CHMP3: variants seen among roughly 807,000 people sequenced by gnomAD.
CHMP3 encodes the protein charged multivesicular body protein 3.
CHMP3 carries 8 observed loss-of-function variants against 27.4 expected under a neutral mutation model. That is an observed-to-expected ratio of 0.29 (90% CI 0.17 to 0.53). The LOEUF (loss-of-function observed/expected upper bound fraction) is 0.53, where lower values mean the gene tolerates loss of function less well. Among genes scored for constraint, CHMP3 ranks in the 20% least tolerant of loss-of-function variants. The pLI is 0.96. For synonymous variants in CHMP3, 86 were observed against 85.5 expected (o/e 1.01, Z -0.03); for missense variants, 208 against 271.5 (o/e 0.77, Z 1.64).
chr2:86,561,130 G>A (rs1677342681), intron 1 of CHMP3, among the ~76,000 whole-genome samples: 2 of 152,126 alleles, frequency 1.3e-5, no homozygotes, highest in Admixed American at 6.5e-5. Context: ...TAAGTTCTTT[G>A]GCTTCTTATT....
intron 1 of CHMP3, among the ~76,000 whole-genome samples, chr2:86,556,026 G>A (rs928274269): frequency 2.6e-5 from 4 of 152,052 alleles, no homozygotes; most frequent in Admixed American, 6.5e-5. Flanking sequence ...ATTTAAGAGC[G>A]AAATTAAAGG....
At chr2:86,552,685 T>C (rs1205533114) in intron 1 of CHMP3, among the ~76,000 whole-genome samples, 1 of 152,218 alleles carries the variant, frequency 6.6e-6, no homozygotes, top group African/African-American at 2.4e-5. Context: ...AGACATTATA[T>C]GCCTCCTGAT....
At chr2:86,539,551 T>C (rs999593056) in intron 2 of CHMP3, among the ~76,000 whole-genome samples, 12 of 152,058 alleles carry the variant, frequency 7.9e-5, no homozygotes, top group Non-Finnish European at 1.3e-4. Context: ...AAAAATGAGC[T>C]ATGGATGTGA....
At chr2:86,509,906 T>A (rs1043894320) in intron 4 of CHMP3, among the ~76,000 whole-genome samples, 1 of 152,224 alleles carries the variant, frequency 6.6e-6, no homozygotes. Context: ...ACCCTGATCC[T>A]GGGGGTGGCA....
intron 2 of CHMP3, among the ~76,000 whole-genome samples, chr2:86,535,688 T>A (rs928738766): frequency 1.3e-5 from 2 of 152,162 alleles, no homozygotes; most frequent in African/African-American, 2.4e-5. Context: ...GTATTTTTAG[T>A]AGAAACTGGG....
At chr2:86,517,434 C>T (rs1251050969) in intron 3 of CHMP3, among the ~76,000 whole-genome samples, 9 of 151,860 alleles carry the variant, frequency 5.9e-5, no homozygotes, top group South Asian at 4.2e-4. Context: ...GGTGTGGTGG[C>T]GGGCACCTGT....
At chr2:86,550,220 G>A (rs1676847450) in intron 1 of CHMP3, among the ~76,000 whole-genome samples, 1 of 152,204 alleles carries the variant, frequency 6.6e-6, no homozygotes, top group Admixed American at 6.5e-5. Context: ...CTCCAAAAAT[G>A]CAAAAACCAG....
chr2:86,537,233 T>C (rs1676183100), intron 2 of CHMP3, among the ~76,000 whole-genome samples: 1 of 152,190 alleles, frequency 6.6e-6, no homozygotes, highest in Admixed American at 6.5e-5. Context: ...TGCTGATGCT[T>C]TATTTTACCT....
chr2:86,559,931 T>C (rs1677280217), intron 1 of CHMP3, among the ~76,000 whole-genome samples: 1 of 152,178 alleles, frequency 6.6e-6, no homozygotes, highest in African/African-American at 2.4e-5. Context: ...TAGTCGGTTC[T>C]TACATTGCTA....
chr2:86,550,442 A>AAGGGAG (rs1676861476), intron 1 of CHMP3, among the ~76,000 whole-genome samples: 1 of 144,484 alleles, frequency 6.9e-6, no homozygotes, highest in African/African-American at 2.8e-5. Context: ...GAGAGGGAGA[A>AAGGGAG]AGGGAGAGGG....
At chr2:86,522,119 T>C (rs545600089) in intron 3 of CHMP3, among the ~76,000 whole-genome samples, 2 of 152,290 alleles carry the variant, frequency 1.3e-5, no homozygotes, top group Non-Finnish European at 2.9e-5. Context: ...AATGTATTAA[T>C]AGGTGACAAG....
intron 1 of CHMP3, among the ~76,000 whole-genome samples, chr2:86,557,701 A>T (rs772907735): frequency 1.3e-5 from 2 of 152,038 alleles, no homozygotes; most frequent in African/African-American, 2.4e-5. Flanking sequence ...TCCTGATCCT[A>T]TATCTACCGT....
chr2:86,549,394 C>T (rs1253839244), intron 1 of CHMP3, among the ~76,000 whole-genome samples: 1 of 147,856 alleles, frequency 6.8e-6, no homozygotes, highest in African/African-American at 2.5e-5. Flanking sequence ...GGCAGAGGCA[C>T]TCCTCCCTTC....
In CHMP3 at chr2:86,558,478, C is replaced by T. The variant is rs191721611; in HGVS notation, c.45+4826G>A. ...AAACCTTATTCTGATACTCACTCAT[C>T]ATTTAACAAATATTTACTTAGCACC... On this transcript the variant is annotated intron_variant, in intron 1 of 5. Transcript: ENST00000263856. Among the ~76,000 whole-genome samples, 178 of 152,314 alleles carry T rather than the reference C, an allele frequency of 1.2e-3. 1 individual carries two copies. Among genetic ancestry groups the T allele is most frequent in the African/African-American group, 4.1e-3 (171 of 41,568 alleles).
intron 2 of CHMP3, among the ~76,000 whole-genome samples, chr2:86,535,725 C>T (rs774483265): frequency 2.0e-5 from 3 of 152,102 alleles, no homozygotes; most frequent in South Asian, 4.1e-4. Flanking sequence ...AGTCTGGTCT[C>T]GAACTCCTGG....
At chr2:86,531,471 A>G (rs1276480371) in intron 2 of CHMP3, among the ~76,000 whole-genome samples, 3 of 152,150 alleles carry the variant, frequency 2.0e-5, no homozygotes, top group African/African-American at 7.2e-5. Context: ...TCCTGGCCTC[A>G]ACTGGTCTTC....
chr2:86,550,812 G>A (rs563977948), intron 1 of CHMP3, among the ~76,000 whole-genome samples: 4 of 152,230 alleles, frequency 2.6e-5, no homozygotes, highest in African/African-American at 9.6e-5. Flanking sequence ...TAAATACAGT[G>A]TAACAACTAT....
intron 1 of CHMP3, among the ~76,000 whole-genome samples, chr2:86,560,357 CACCATGGA>C (rs1677301486): frequency 6.6e-6 from 1 of 152,050 alleles, no homozygotes; most frequent in South Asian, 2.1e-4. Flanking sequence ...GAAAATGTGG[CACCATGGA>C]ATACTATGAA....
intron 1 of CHMP3, among the ~76,000 whole-genome samples, chr2:86,547,017 C>A (rs1676635603): frequency 6.6e-6 from 1 of 152,118 alleles, no homozygotes; most frequent in Admixed American, 6.5e-5. Flanking sequence ...TTCTGAACTT[C>A]TTCTTAAAGT....
Sources: allele counts gnomAD v4.1 joint callset (sites outside exome capture counted in the v4.1 genomes callset), GRCh38; gene constraint gnomAD v4.1.1; transcripts MANE v1.5; gene names NCBI Gene and HGNC (gene_info 2026-07-23, HGNC 2026-07-21).